The following GPHN variants were observed in gnomAD, a reference collection of about 807,000 sequenced individuals.
GPHN encodes the protein gephyrin.
In GPHN, 17 loss-of-function variants were observed where a neutral mutation model predicts 95.5. That is an observed-to-expected ratio of 0.18 (90% CI 0.12 to 0.27). GPHN has a LOEUF of 0.27. GPHN is among the 10% of genes least tolerant of loss of function. The probability of loss-of-function intolerance (pLI) is 1.00; values close to 1 mark genes in which losing one functional copy is unlikely to be tolerated. For missense variants in GPHN, 660 were observed against 978.1 expected (o/e 0.67, Z 4.34); for synonymous variants, 320 against 322.5 (o/e 0.99, Z 0.08).
chr14:66,838,449 A>C (rs2061947971), intron 4 of GPHN, among the ~76,000 whole-genome samples: 1 of 152,144 alleles, frequency 6.6e-6, no homozygotes, highest in African/African-American at 2.4e-5. Flanking sequence ...AGAAATATCA[A>C]AGAAGACATG....
the GPHN span, chr14:67,592,278 T>TAA: frequency 3.2e-4 from 108 of 342,608 alleles, no homozygotes; most frequent in Middle Eastern, 1.0e-3. Context: ...CTACTAAAAA[T>TAA]AAAAAAAAAA....
the GPHN span, chr14:67,374,375 G>T: frequency 1.7e-6 from 1 of 603,284 alleles, no homozygotes; most frequent in Non-Finnish European, 2.8e-6. Flanking sequence ...TTATAAGTAT[G>T]CCAATCAAAC....
At chr14:67,602,324 C>T in the GPHN span, among the ~76,000 whole-genome samples, 2 of 152,168 alleles carry the variant, frequency 1.3e-5, no homozygotes, top group Non-Finnish European at 2.9e-5. Flanking sequence ...GGGGGAAATC[C>T]GTCCCCATGA....
chr14:66,716,600 AT>A lies in GPHN; in HGVS notation c.143+35421del, dbSNP rs528683344. On this transcript the variant is annotated intron_variant, in intron 2 of 22. Coordinates refer to ENST00000478722, the MANE Select transcript of GPHN (RefSeq NM_020806.5). ...TTGTTTTGTTTGCTTTTTAAATTGTATTTTTTATAGGTCATGTGAGATTTAT... is the reference window on the plus strand; with the variant it reads ...TTGTTTTGTTTGCTTTTTAAATTGTATTTTTATAGGTCATGTGAGATTTAT... Among the ~76,000 whole-genome samples the A allele has an allele frequency of 3.0e-3, 458 of 151,926 alleles. 3 individuals are homozygous for A. The highest frequency in any genetic ancestry group is 0.011 in the African/African-American group (438 of 41,450).
intron 4 of GPHN, chr14:66,842,642 C>G (rs557467552): frequency 6.6e-7 from 1 of 1,516,372 alleles, no homozygotes; most frequent in African/African-American, 1.4e-5. Context: ...AACTGGGAGT[C>G]AGAAATCCCT....
chr14:67,677,792 G>A, the GPHN span: 1 of 152,576 alleles, frequency 6.6e-6, no homozygotes, highest in Non-Finnish European at 1.5e-5. Flanking sequence ...TTTTAGTAGA[G>A]GTGGGGTTTC....
At chr14:67,559,541 C>T in the GPHN span, 5 of 1,153,246 alleles carry the variant, frequency 4.3e-6, no homozygotes, top group Non-Finnish European at 6.4e-6. Flanking sequence ...CTTGGGGTTT[C>T]CCACCTCCAG....
Position 67,064,183 on chromosome 14 carries a change from G to C in GPHN, c.1144+5397G>C, listed in dbSNP as rs141330984. ...GTCGAAGGCCTTTTCTGCATCTATT[G>C]AGATAATCATGTGGTTTTTGTCATT... On this transcript the variant is annotated intron_variant, in intron 11 of 22. Transcript: ENST00000478722. 9.8e-3 allele frequency among the ~76,000 whole-genome samples: 1,486 copies of C among 152,292 alleles called. 16 individuals are homozygous for C. The highest frequency in any genetic ancestry group is 0.029 in the African/African-American group (1,223 of 41,548).
chr14:66,996,165 C>T (rs747144695), intron 9 of GPHN: 1 of 1,529,910 alleles, frequency 6.5e-7, no homozygotes, highest in East Asian at 2.4e-5. Flanking sequence ...CTTTTCCCCA[C>T]TGCAAAACCA....
intron 16 of GPHN, 46 bp from the exon 17 acceptor site, chr14:67,122,210 A>G (rs769658565): frequency 6.2e-7 from 1 of 1,600,302 alleles, no homozygotes; most frequent in Non-Finnish European, 8.6e-7. Context: ...GAAATATGCA[A>G]CATTAACCTA....
At chr14:66,690,177 A>G (rs1006652015) in intron 2 of GPHN, among the ~76,000 whole-genome samples, 7 of 151,740 alleles carry the variant, frequency 4.6e-5, no homozygotes, top group African/African-American at 1.5e-4. Context: ...TATTGCTATA[A>G]ACTTCTCTCT....
chr14:66,719,979 TA>T (rs1260788325), intron 2 of GPHN, among the ~76,000 whole-genome samples: 1 of 152,214 alleles, frequency 6.6e-6, no homozygotes, highest in East Asian at 1.9e-4. Context: ...TCAATTATCT[TA>T]TTTTTTATTG....
At chr14:66,880,639 A>G (rs1567053926) in intron 5 of GPHN, among the ~76,000 whole-genome samples, 4 of 151,770 alleles carry the variant, frequency 2.6e-5, no homozygotes, top group South Asian at 2.1e-4. Flanking sequence ...TGTTGTTGTG[A>G]AAAAAAAGAA....
the GPHN span, among the ~76,000 whole-genome samples, chr14:67,234,427 C>A: frequency 6.6e-6 from 1 of 152,168 alleles, no homozygotes; most frequent in Non-Finnish European, 1.5e-5. Context: ...ATACTGCAGA[C>A]AGGTCACATA....
At chr14:67,656,613 T>C in the GPHN span, 2 of 1,584,414 alleles carry the variant, frequency 1.3e-6, no homozygotes, top group Non-Finnish European at 1.7e-6. Flanking sequence ...GGAAGAGAAA[T>C]GTTAGACTTT....
intron 1 of GPHN, among the ~76,000 whole-genome samples, chr14:66,589,471 G>A (rs2061552387): frequency 1.3e-5 from 2 of 151,904 alleles, no homozygotes; most frequent in South Asian, 2.1e-4. Flanking sequence ...ACCCATTGAT[G>A]TGCTGTATTT....
chr14:67,585,872 G>A, the GPHN span: 2 of 1,445,406 alleles, frequency 1.4e-6, no homozygotes, highest in Non-Finnish European at 1.9e-6. Flanking sequence ...CCTGTGCCTA[G>A]AAGAGACAGG....
At chr14:67,608,794 A>G in the GPHN span, among the ~76,000 whole-genome samples, 2 of 152,218 alleles carry the variant, frequency 1.3e-5, no homozygotes, top group Non-Finnish European at 2.9e-5. Context: ...GTGTCCTCAC[A>G]TGGTACAAGG....
the GPHN span, chr14:67,582,329 T>G: frequency 1.3e-6 from 2 of 1,539,108 alleles, no homozygotes; most frequent in Non-Finnish European, 1.8e-6. The surrounding 1 kb of genome is among the most constrained non-coding windows in gnomAD (Gnocchi z 5.0). Context: ...AGGGCAGCTT[T>G]GCCATCTCTG....
Sources: gnomAD v4.1 joint callset for allele counts (sites outside exome capture counted in the v4.1 genomes callset) on GRCh38, gnomAD v4.1.1 for gene constraint, Gnocchi (gnomAD v3.1) non-coding constraint, MANE v1.5 for transcripts, NCBI Gene and HGNC (gene_info 2026-07-23, HGNC 2026-07-21) for gene names.